Variants in ARID4A observed in about 807,000 individuals in gnomAD.
The protein encoded by ARID4A is AT-rich interactive domain-containing protein 4A.
ARID4A carries 39 observed loss-of-function variants against 148.6 expected under a neutral mutation model. The ratio of observed to expected loss-of-function variants is 0.26; its 90% confidence interval spans 0.20 to 0.34. ARID4A has a LOEUF of 0.34. Ranked by LOEUF, ARID4A falls within the 10% of genes least tolerant of loss-of-function variation. The pLI is 1.00. For synonymous variants in ARID4A, 475 were observed against 481.2 expected, an observed-to-expected ratio of 0.99 and a Z score of 0.17; for missense variants, 1,265 against 1,449.1, an observed-to-expected ratio of 0.87 and a Z score of 2.06.
chr14:58,333,203 A>T (rs1203391882), intron 11 of ARID4A, among the ~76,000 whole-genome samples: 1 of 152,118 alleles, frequency 6.6e-6, no homozygotes, highest in Non-Finnish European at 1.5e-5. Context: ...CTCAATAATT[A>T]TATTGAAAAA....
chr14:58,342,294 T>A (rs2034152339), intron 11 of ARID4A, among the ~76,000 whole-genome samples: 1 of 152,226 alleles, frequency 6.6e-6, no homozygotes, highest in South Asian at 2.1e-4. Flanking sequence ...AGGCATTTGT[T>A]TGTAAGTAGA....
chr14:58,338,057 T>C (rs2033919845), intron 11 of ARID4A, among the ~76,000 whole-genome samples: 1 of 152,184 alleles, frequency 6.6e-6, no homozygotes, highest in Non-Finnish European at 1.5e-5. Flanking sequence ...GTAAGATACA[T>C]TACATTGAAT....
At chr14:58,315,279 A>G (rs978858045) in intron 5 of ARID4A, among the ~76,000 whole-genome samples, 1 of 152,126 alleles carries the variant, frequency 6.6e-6, no homozygotes, top group African/African-American at 2.4e-5. Context: ...TATTTAAGTG[A>G]AATGAATTTT....
intron 17 of ARID4A, among the ~76,000 whole-genome samples, chr14:58,356,464 A>G (rs1219752175): frequency 1.3e-5 from 2 of 152,146 alleles, no homozygotes; most frequent in African/African-American, 2.4e-5. Context: ...TAAATGTTCA[A>G]ATGAATAAAC....
intron 12 of ARID4A, among the ~76,000 whole-genome samples, chr14:58,345,501 A>C (rs2034314869): frequency 6.6e-6 from 1 of 152,164 alleles, no homozygotes; most frequent in Non-Finnish European, 1.5e-5. Flanking sequence ...TGAGATTTCT[A>C]ATATAGGTAG....
chr14:58,323,878 C>G (rs546307082), intron 8 of ARID4A, among the ~76,000 whole-genome samples: 19 of 148,086 alleles, frequency 1.3e-4, no homozygotes, highest in African/African-American at 4.5e-4. Flanking sequence ...TTACTCTATT[C>G]CCATTACCTT....
rs181021149 is a variant in ARID4A, at chr14:58,306,872, T to C, written c.274+760T>C. Reference sequence around the variant, plus strand: ...CCAGCCTGGGCGACAGAGTGAGATTTGGTCTCAAAAAGAAAACAGCTTTTA... The same window carrying C: ...CCAGCCTGGGCGACAGAGTGAGATTCGGTCTCAAAAAGAAAACAGCTTTTA... On this transcript the variant is annotated intron_variant, in intron 5 of 23. Coordinates refer to ENST00000355431, the MANE Select transcript of ARID4A (RefSeq NM_002892.4). Among the ~76,000 whole-genome samples the C allele has an allele frequency of 1.2e-4, 19 of 152,280 alleles. No homozygotes were observed. The East Asian group carries it at 3.7e-3, about 29-fold the overall frequency.
intron 8 of ARID4A, among the ~76,000 whole-genome samples, chr14:58,325,571 C>T (rs192302095): frequency 1.9e-4 from 29 of 152,262 alleles, no homozygotes; most frequent in East Asian, 9.7e-4. Context: ...TGAGCCACTG[C>T]GCCTGGCCCT....
At chr14:58,339,147 A>AT (rs560057868) in intron 11 of ARID4A, among the ~76,000 whole-genome samples, 136 of 145,676 alleles carry the variant, frequency 9.3e-4, no homozygotes, top group Admixed American at 1.4e-3. Context: ...ATTTATTATT[A>AT]TTTTTTTTTT....
chr14:58,346,585 C>T (rs1310929264), intron 13 of ARID4A, 80 bp downstream of exon 13: 7 of 833,178 alleles, frequency 8.4e-6, no homozygotes, highest in Non-Finnish European at 1.3e-5. Flanking sequence ...ATTATATGCA[C>T]ATTGGATAAT....
intron 3 of ARID4A, among the ~76,000 whole-genome samples, chr14:58,302,306 C>A (rs563558484): frequency 2.4e-4 from 36 of 152,262 alleles, no homozygotes; most frequent in African/African-American, 8.4e-4. Context: ...CCAGCCTGAC[C>A]AACATGGTGA....
intron 4 of ARID4A, among the ~76,000 whole-genome samples, chr14:58,305,636 G>A (rs546768846): frequency 8.3e-4 from 127 of 152,202 alleles, no homozygotes; most frequent in Non-Finnish European, 1.6e-3. Flanking sequence ...AAAGAAAATG[G>A]ATGCTATTTT....
rs1461085523 is a variant in ARID4A at position 58,330,066 on chromosome 14, T to C, written c.803T>C (p.Ile268Thr). 6.2e-7 allele frequency: 1 copy of C among 1,613,096 alleles called. No homozygotes were observed. Among genetic ancestry groups the C allele is most frequent in the African/African-American group, 1.3e-5 (1 of 74,858 alleles). ...GTTCCTGATAATTGGAAAATGGATA[T>C]AAGTGAAATCCTTGAGTCATCCAGT... is the stretch of plus-strand genomic sequence containing the variant. ...RVVPDNWKMD[I>T]SEILESSSSD... Residue 268 changes from isoleucine to threonine, a missense_variant, in exon 11 of 24, where the codon ATA becomes ACA. By Grantham distance (89) the Ile-to-Thr change is moderately conservative. Coordinates refer to ENST00000355431, the MANE Select transcript of ARID4A (RefSeq NM_002892.4).
rs1223335142 is a variant in ARID4A at position 58,365,635 on chromosome 14, C to A, written c.3316+13C>A. On this transcript the variant is annotated intron_variant, in intron 21 of 23. Coordinates refer to ENST00000355431, the MANE Select transcript of ARID4A (RefSeq NM_002892.4). ...AAGAATGGAACAGGTTGGTGTCTTT[C>A]AATGCTAGCTTTTGTATAGTGTTAG... 1.2e-6 allele frequency: 2 copies of A among 1,604,178 alleles called. No homozygotes were observed. Among genetic ancestry groups the A allele is most frequent in the South Asian group, 1.1e-5 (1 of 90,290 alleles).
chr14:58,354,670 G>A (rs950529471), intron 17 of ARID4A, among the ~76,000 whole-genome samples: 25 of 146,586 alleles, frequency 1.7e-4, no homozygotes, highest in Non-Finnish European at 2.7e-4. Flanking sequence ...ATGATAGAGC[G>A]AAACCCTGTC....
Position 58,364,253 on chromosome 14 carries a change from GA to G in ARID4A, c.2171del (p.Asn724MetfsTer4). On this transcript the variant is annotated frameshift_variant, in exon 20 of 24. Transcript: ENST00000355431. LOFTEE classifies it high-confidence loss of function. ...AGAACTTTCTCTTAAAGATGAACTA[GA>G]AAAAAATGAAAATTTGAATGATGAT... Reference protein sequence around the residue: ...NEELSLKDELEKNENLNDDKL... With the variant: ...NEELSLKDELXKNENLNDDKL... The G allele has an allele frequency of 1.3e-6, 2 of 1,537,532 alleles. No homozygotes were observed. Among genetic ancestry groups the G allele is most frequent in the Non-Finnish European group, 1.7e-6 (2 of 1,151,240 alleles).
intron 11 of ARID4A, among the ~76,000 whole-genome samples, chr14:58,332,792 A>T (rs1471663392): frequency 6.6e-6 from 1 of 152,142 alleles, no homozygotes; most frequent in African/African-American, 2.4e-5. Context: ...TTTCGTGAAG[A>T]TTCAATGTTG....
chr14:58,310,146 C>T (rs1452327626), intron 5 of ARID4A, among the ~76,000 whole-genome samples: 1 of 151,964 alleles, frequency 6.6e-6, no homozygotes, highest in Non-Finnish European at 1.5e-5. Flanking sequence ...CTTAGTATTC[C>T]CATGATATTT....
intron 11 of ARID4A, among the ~76,000 whole-genome samples, chr14:58,339,313 C>G (rs2033992739): frequency 6.6e-6 from 1 of 152,110 alleles, no homozygotes; most frequent in African/African-American, 2.4e-5. Flanking sequence ...GTTCTTGAAA[C>G]CTGAGAATAC....
Sources: gnomAD v4.1 joint callset for allele counts (sites outside exome capture counted in the v4.1 genomes callset) on GRCh38, gnomAD v4.1.1 for gene constraint, MANE v1.5 for transcripts, NCBI Gene and HGNC (gene_info 2026-07-23, HGNC 2026-07-21) for gene names.